The following NUDT13 variants were observed in gnomAD, a reference collection of about 807,000 sequenced individuals.
NUDT13 encodes the protein NAD(P)H pyrophosphatase NUDT13, mitochondrial.
Under a neutral mutation model 41.7 loss-of-function variants are expected in NUDT13, and 40 were observed. That is an observed-to-expected ratio of 0.96 (90% confidence interval 0.75 to 1.25). The LOEUF is 1.25. Ranked by LOEUF, NUDT13 falls within the 50% of genes most tolerant of loss-of-function variation. The pLI, the probability that NUDT13 is intolerant of heterozygous loss-of-function variation, is 0.00. For synonymous variants in NUDT13, 145 were observed against 155.5 expected (o/e 0.93, Z 0.50); for missense variants, 390 against 416.1 (o/e 0.94, Z 0.55).
chr10:73,126,943 T>TGTGTA, intron 8 of NUDT13, 116 bp downstream of exon 8: 1 of 916,280 alleles, frequency 1.1e-6, no homozygotes, highest in Non-Finnish European at 1.7e-6. Flanking sequence ...TACATAAACA[T>TGTGTA]GTGTAAAATA....
chr10:73,123,599 T>C (rs1842698619), intron 4 of NUDT13, among the ~76,000 whole-genome samples: 1 of 152,212 alleles, frequency 6.6e-6, no homozygotes, highest in African/African-American at 2.4e-5. Context: ...CCTCACTCCA[T>C]GCCAGCTGCT....
In NUDT13 at chr10:73,114,427, C is replaced by A; in HGVS notation, c.62C>A (p.Ser21Ter). The A allele has an allele frequency of 6.3e-7, 1 of 1,588,372 alleles. No homozygotes were observed. Among genetic ancestry groups the A allele is most frequent in the Non-Finnish European group, 8.6e-7 (1 of 1,164,220 alleles). ...TTTTTTTGGTGCTATAGGCTGCTGT[C>A]AACCTATGTTACTAAGACACGGTGA... is the stretch of plus-strand genomic sequence containing the variant. ...RKFFWCYRLL[S>*]TYVTKTRYLF... The change falls in exon 2 of 9, where the codon TCA (serine) becomes TAA (stop). Residue 21 changes from serine to a stop codon, truncating the protein, a stop_gained. Transcript: ENST00000357321. LOFTEE classifies it high-confidence loss of function.
At chr10:73,119,917 C>T in intron 2 of NUDT13, 101 bp from the exon 3 acceptor site, 2 of 1,221,028 alleles carry the variant, frequency 1.6e-6, no homozygotes, top group Non-Finnish European at 2.3e-6. Context: ...AGGGAAATAA[C>T]CATGGTAAGA....
At position 73,122,211 on chromosome 10, in the gene NUDT13, C is replaced by A; in HGVS notation, c.260C>A (p.Ala87Glu). 6.2e-7 allele frequency: 1 copy of A among 1,613,784 alleles called. No individual in the cohort carries two copies. The change falls in exon 4 of 9, where the codon GCA becomes GAA. Residue 87 changes from alanine (A) to glutamate (E), a missense_variant. Coordinates refer to ENST00000357321, the MANE Select transcript of NUDT13 (RefSeq NM_015901.6). ...ERLLGKFGQD[A>E]QRIEDSVLIG... Reference sequence around the variant, plus strand: ...CTCCTGGGTAAATTTGGACAGGATGCACAAAGAATAGAAGATTCTGTGCTG... The same window carrying A: ...CTCCTGGGTAAATTTGGACAGGATGAACAAAGAATAGAAGATTCTGTGCTG...
chr10:73,124,558 T>C (rs1842726200), intron 5 of NUDT13: 1 of 466,652 alleles, frequency 2.1e-6, no homozygotes, highest in South Asian at 3.7e-5. Flanking sequence ...TGCAGATCTA[T>C]GGCAATAGGA....
At chr10:73,121,610 T>C (rs372515550) in intron 3 of NUDT13, among the ~76,000 whole-genome samples, 1 of 152,156 alleles carries the variant, frequency 6.6e-6, no homozygotes, top group African/African-American at 2.4e-5. Context: ...TGGAGGTTAA[T>C]TATAGAACTG....
rs56229464 is a variant in NUDT13, at chr10:73,116,876, A to ATTTTTTTTTTTTTTTTTTTTTT, written c.83+2435_83+2456dup. ...TGTACTCCTTTAACAGACTACAAGA[A>ATTTTTTTTTTTTTTTTTTTTTT]TTTTTTTTTTTTTTTTTTTTTTTTT... is the stretch of plus-strand genomic sequence containing the variant. On this transcript the variant is annotated intron_variant, in intron 2 of 8. Coordinates refer to ENST00000357321, the MANE Select transcript of NUDT13 (RefSeq NM_015901.6). 9.8e-5 allele frequency among the ~76,000 whole-genome samples: 8 copies of ATTTTTTTTTTTTTTTTTTTTTT among 81,868 alleles called. 2 individuals are homozygous for ATTTTTTTTTTTTTTTTTTTTTT. The highest frequency in any genetic ancestry group is 3.9e-4 in the African/African-American group (8 of 20,458). The allele number at this position is 81,868 out of a possible 152,430, so 53.7% of individuals were successfully genotyped here.
rs759384780 is a variant in NUDT13 at position 73,125,057 on chromosome 10, C to T, written c.466-61C>T. On this transcript the variant is annotated intron_variant, in intron 5 of 8. Coordinates refer to ENST00000357321, the MANE Select transcript of NUDT13 (RefSeq NM_015901.6). ...GTTGTTCCAGACACTAGGCCCAGTG[C>T]TGTTAAAGATGAGCCCCGCATTCTC... is the stretch of plus-strand genomic sequence containing the variant. The T allele has an allele frequency of 3.3e-6, 5 of 1,537,264 alleles. No homozygotes were observed. In the Admixed American group the frequency reaches 1.1e-4, roughly 33 times the overall value.
At chr10:73,130,484 A>C in intron 8 of NUDT13, 1 of 294,310 alleles carries the variant, frequency 3.4e-6, no homozygotes, top group South Asian at 4.3e-5. Context: ...ATATATATAT[A>C]TATACACACA....
intron 4 of NUDT13, among the ~76,000 whole-genome samples, chr10:73,122,974 C>G (rs192755641): frequency 1.3e-5 from 2 of 150,722 alleles, no homozygotes; most frequent in African/African-American, 4.9e-5. Context: ...GATCTCGGCT[C>G]GCCACAACCT....
chr10:73,119,419 T>G, intron 2 of NUDT13: 3 of 804,028 alleles, frequency 3.7e-6, no homozygotes, highest in Non-Finnish European at 4.5e-6. Context: ...AAGGGTACAT[T>G]GAAGGTAAAA....
intron 2 of NUDT13, among the ~76,000 whole-genome samples, chr10:73,116,349 C>T (rs1433714616): frequency 2.0e-5 from 3 of 151,874 alleles, no homozygotes; most frequent in African/African-American, 7.3e-5. Context: ...CTGAAAATAC[C>T]CCTGGGGCAC....
At chr10:73,129,043 A>G (rs1842855086) in intron 8 of NUDT13, among the ~76,000 whole-genome samples, 1 of 152,186 alleles carries the variant, frequency 6.6e-6, no homozygotes, top group Non-Finnish European at 1.5e-5. Context: ...TAGTAGGCGC[A>G]CAATCAGGCA....
At chr10:73,119,411 G>C (rs1423532890) in intron 2 of NUDT13, 2 of 689,514 alleles carry the variant, frequency 2.9e-6, no homozygotes, top group African/African-American at 3.9e-5. Flanking sequence ...TCTGAAGTAA[G>C]GGTACATTGA....
In NUDT13 at chr10:73,114,352, T is replaced by A. The variant is rs1194924373; in HGVS notation, c.-9-5T>A. 2.7e-6 allele frequency: 4 copies of A among 1,458,552 alleles called. No individual in the cohort carries two copies. Among genetic ancestry groups the A allele is most frequent in the Admixed American group, 4.1e-5 (2 of 48,812 alleles). 90.4% of individuals were successfully genotyped at this position (1,458,552 alleles called of 1,614,324 possible). On this transcript the variant is annotated splice_region_variant and splice_polypyrimidine_tract_variant and intron_variant, in intron 1 of 8. Transcript: ENST00000357321. ...TTTTTAAAACTCCTTTTTTTTTTTT[T>A]TAAGGACCTGACAATGTCCCTGTAT...
chr10:73,113,806 CTTT>C (rs994387659), intron 1 of NUDT13, among the ~76,000 whole-genome samples: 10 of 152,296 alleles, frequency 6.6e-5, no homozygotes, highest in African/African-American at 2.2e-4. Flanking sequence ...TCAAAGCTGG[CTTT>C]CCTCAGACAC....
chr10:73,125,677 A>ATATATATATATATATATATATATAT, intron 7 of NUDT13, 168 bp downstream of exon 7: 33 of 167,244 alleles, frequency 2.0e-4, no homozygotes, highest in African/African-American at 8.6e-4. Flanking sequence ...ATATATATAT[A>ATATATATATATATATATATATATAT]AAATTTTTTC....
intron 1 of NUDT13, 81 bp from the exon 2 acceptor site, chr10:73,114,276 A>G: frequency 1.7e-6 from 1 of 577,348 alleles, no homozygotes; most frequent in Non-Finnish European, 2.9e-6. Context: ...ATTCTGGCTT[A>G]AAGTATAACC....
chr10:73,116,798 AAAC>A (rs775512293), intron 2 of NUDT13, among the ~76,000 whole-genome samples: 4 of 152,046 alleles, frequency 2.6e-5, no homozygotes, highest in African/African-American at 7.2e-5. Flanking sequence ...AAGAGTGAAC[AAAC>A]AACAAAATTG....
Sources: allele counts gnomAD v4.1 joint callset (sites outside exome capture counted in the v4.1 genomes callset), GRCh38; gene constraint gnomAD v4.1.1; transcripts MANE v1.5; gene names NCBI Gene and HGNC (gene_info 2026-07-23, HGNC 2026-07-21).